BCAS3: variants seen among roughly 807,000 people sequenced by gnomAD.
BCAS3 encodes the protein BCAS4/BCAS3 fusion.
A neutral mutation model predicts 116.1 loss-of-function variants in BCAS3; 53 were observed. The observed-to-expected ratio is 0.46, with a 90% confidence interval of 0.37 to 0.57. BCAS3 has a LOEUF of 0.57. Ranked by LOEUF, BCAS3 falls within the 20% of genes least tolerant of loss-of-function variation. BCAS3 has a pLI of 0.00. For missense variants in BCAS3, 917 were observed against 1,165.4 expected (o/e 0.79, Z 3.10); for synonymous variants, 391 against 408.2 (o/e 0.96, Z 0.51).
chr17:61,305,227 G>T (rs919702978), intron 22 of BCAS3, among the ~76,000 whole-genome samples: 1 of 152,174 alleles, frequency 6.6e-6, no homozygotes, highest in African/African-American at 2.4e-5. Flanking sequence ...TGACCCCGGT[G>T]CATAGTCAAT....
intron 6 of BCAS3, among the ~76,000 whole-genome samples, chr17:60,773,208 T>G (rs2044907061): frequency 6.6e-6 from 1 of 152,046 alleles, no homozygotes; most frequent in East Asian, 1.9e-4. Flanking sequence ...TCTAATGACA[T>G]ATGATGTGGA....
intron 22 of BCAS3, among the ~76,000 whole-genome samples, chr17:61,345,997 G>T (rs2057482134): frequency 6.6e-6 from 1 of 152,198 alleles, no homozygotes; most frequent in Non-Finnish European, 1.5e-5. Flanking sequence ...AAGGTCGTTG[G>T]TGTGCGGACT....
At position 61,276,072 on chromosome 17, in the gene BCAS3, C is replaced by T. The variant is rs986598237; in HGVS notation, c.2426-92255C>T. On this transcript the variant is annotated intron_variant, in intron 22 of 23. Transcript: ENST00000407086. This position sits in a 1 kb window ranked among gnomAD's most constrained non-coding sequence, Gnocchi z 4.2. ...GTATATAAAAATCACTTGTGTTGGC[C>T]GGGTGCGGTGGCTCACGCGTGTAAT... 6.6e-6 allele frequency among the ~76,000 whole-genome samples: 1 copy of T among 151,958 alleles called. No homozygotes were observed. Among genetic ancestry groups the T allele is most frequent in the Admixed American group, 6.6e-5 (1 of 15,242 alleles).
chr17:61,202,612 G>A (rs2080906044), intron 22 of BCAS3, among the ~76,000 whole-genome samples: 1 of 151,920 alleles, frequency 6.6e-6, no homozygotes, highest in Admixed American at 6.6e-5. Flanking sequence ...GTTAGAATAT[G>A]ATGCCTTTGA....
rs1167303335 is a variant in BCAS3 at position 61,217,381 on chromosome 17, A to C, written c.2425+132817A>C. Reference sequence around the variant, plus strand: ...AAATCTAGGTTCCTGAAAAGAATAGATTATTTCCCCAGCTGGATGATTTCC... The same window carrying C: ...AAATCTAGGTTCCTGAAAAGAATAGCTTATTTCCCCAGCTGGATGATTTCC... On this transcript the variant is annotated intron_variant, in intron 22 of 23. Transcript: ENST00000407086. This position sits in a 1 kb window ranked among gnomAD's most constrained non-coding sequence, Gnocchi z 5.2. Among the ~76,000 whole-genome samples the C allele has an allele frequency of 6.6e-6, 1 of 152,198 alleles. No individual in the cohort carries two copies. Among genetic ancestry groups the C allele is most frequent in the Non-Finnish European group, 1.5e-5 (1 of 68,032 alleles).
At position 61,181,178 on chromosome 17, in the gene BCAS3, C is replaced by T. The variant is rs2079459789; in HGVS notation, c.2425+96614C>T. Among the ~76,000 whole-genome samples the T allele has an allele frequency of 6.6e-6, 1 of 152,172 alleles. No homozygotes were observed. The highest frequency in any genetic ancestry group is 2.1e-4 in the South Asian group (1 of 4,836). On this transcript the variant is annotated intron_variant, in intron 22 of 23. Coordinates refer to ENST00000407086, the MANE Select transcript of BCAS3 (RefSeq NM_017679.5). This position sits in a 1 kb window ranked among gnomAD's most constrained non-coding sequence, Gnocchi z 5.0. ...GAGGCTGCATTGAGCTGTAATAGCACCACTGCACTCCATCCTGGGCAAAAG... is the reference window on the plus strand; with the variant it reads ...GAGGCTGCATTGAGCTGTAATAGCATCACTGCACTCCATCCTGGGCAAAAG...
At chr17:61,260,153 A>G (rs1212629809) in intron 22 of BCAS3, among the ~76,000 whole-genome samples, 1 of 152,240 alleles carries the variant, frequency 6.6e-6, no homozygotes, top group Non-Finnish European at 1.5e-5. Context: ...CTTTATTTAC[A>G]GAAAGCTCAA....
chr17:60,698,804 C>G (rs946532497), intron 4 of BCAS3, among the ~76,000 whole-genome samples: 3 of 152,012 alleles, frequency 2.0e-5, no homozygotes, highest in Non-Finnish European at 2.9e-5. Flanking sequence ...GCCTGTAATC[C>G]CAGCACTTTG....
At chr17:61,252,881 A>AT (rs35598768) in intron 22 of BCAS3, among the ~76,000 whole-genome samples, 117,274 of 137,680 alleles carry the variant, frequency 0.85, 50,636 homozygotes, top group East Asian at 0.98. Context: ...GTTCCTATAC[A>AT]TTTTTTTTTT....
chr17:61,122,238 G>A lies in BCAS3; in HGVS notation c.2425+37674G>A, dbSNP rs2075827331. ...TGGTGAAATCTGATTGCTAGAAATTGTGATGTGAATAAGTAAAAATTTACT... is the reference window on the plus strand; with the variant it reads ...TGGTGAAATCTGATTGCTAGAAATTATGATGTGAATAAGTAAAAATTTACT... On this transcript the variant is annotated intron_variant, in intron 22 of 23. Coordinates refer to ENST00000407086, the MANE Select transcript of BCAS3 (RefSeq NM_017679.5). The surrounding 1 kb of genome is among the most constrained non-coding windows in gnomAD (Gnocchi z 4.6). Among the ~76,000 whole-genome samples the A allele has an allele frequency of 6.6e-6, 1 of 152,196 alleles. No individual in the cohort carries two copies. Among genetic ancestry groups the A allele is most frequent in the African/African-American group, 2.4e-5 (1 of 41,438 alleles).
intron 14 of BCAS3, among the ~76,000 whole-genome samples, chr17:60,979,979 C>T (rs541601930): frequency 2.0e-5 from 3 of 151,684 alleles, no homozygotes; most frequent in Admixed American, 6.6e-5. Flanking sequence ...TGTATTTGCC[C>T]GGCTTTGGTA....
chr17:60,981,483 A>T (rs1338876703), intron 14 of BCAS3, among the ~76,000 whole-genome samples: 1 of 152,030 alleles, frequency 6.6e-6, no homozygotes, highest in Non-Finnish European at 1.5e-5. Flanking sequence ...GGGTTTCACC[A>T]TGTTGGCCAG....
chr17:60,875,734 C>A (rs1333388174), intron 9 of BCAS3, among the ~76,000 whole-genome samples: 2 of 151,954 alleles, frequency 1.3e-5, no homozygotes, highest in Admixed American at 1.3e-4. Flanking sequence ...TAATATAGTG[C>A]TGTGGCAAAA....
chr17:61,028,648 G>C lies in BCAS3; in HGVS notation c.1638-6018G>C, dbSNP rs894338940. Among the ~76,000 whole-genome samples, 3 of 151,844 alleles carry C rather than the reference G, an allele frequency of 2.0e-5. No homozygotes were observed. The highest frequency in any genetic ancestry group is 4.4e-5 in the Non-Finnish European group (3 of 67,786). On this transcript the variant is annotated intron_variant, in intron 16 of 23. Coordinates refer to ENST00000407086, the MANE Select transcript of BCAS3 (RefSeq NM_017679.5). The surrounding 1 kb of genome is among the most constrained non-coding windows in gnomAD (Gnocchi z 4.3). ...AAAGTTCATTCCTTCAACAGCTTAC[G>C]TGCTCCTCACATTTAAGCAAAAGCA... is the stretch of plus-strand genomic sequence containing the variant.
At chr17:61,135,089 C>T (rs527992663) in intron 22 of BCAS3, among the ~76,000 whole-genome samples, 2 of 152,258 alleles carry the variant, frequency 1.3e-5, no homozygotes, top group East Asian at 1.9e-4. Flanking sequence ...ACCTAAACTG[C>T]GACGTGTGAA....
intron 5 of BCAS3, among the ~76,000 whole-genome samples, chr17:60,734,404 A>G (rs2040763379): frequency 6.6e-6 from 1 of 152,224 alleles, no homozygotes. Flanking sequence ...TGCTGGGATT[A>G]CAGGTGTGAA....
intron 6 of BCAS3, among the ~76,000 whole-genome samples, chr17:60,804,985 C>T (rs1460673251): frequency 6.6e-6 from 1 of 150,752 alleles, no homozygotes; most frequent in African/African-American, 2.4e-5. Context: ...TTTTTTTCCC[C>T]CAAGCACTAC....
intron 15 of BCAS3, among the ~76,000 whole-genome samples, chr17:60,997,752 C>T (rs1316125228): frequency 6.6e-6 from 1 of 152,204 alleles, no homozygotes; most frequent in Non-Finnish European, 1.5e-5. Context: ...TTGTGATGTA[C>T]TTTCTCTCTC....
intron 22 of BCAS3, among the ~76,000 whole-genome samples, chr17:61,115,661 A>T (rs978535563): frequency 2.2e-5 from 3 of 137,670 alleles, no homozygotes; most frequent in African/African-American, 8.0e-5. Flanking sequence ...AACTAGTTCA[A>T]CCATTGTGGA....
Sources: allele counts gnomAD v4.1 joint callset (sites outside exome capture counted in the v4.1 genomes callset), GRCh38; gene constraint gnomAD v4.1.1; non-coding constraint Gnocchi (gnomAD v3.1); transcripts MANE v1.5; gene names NCBI Gene and HGNC (gene_info 2026-07-23, HGNC 2026-07-21).